The following TENM4 variants were observed in gnomAD, a reference collection of about 807,000 sequenced individuals.
TENM4 encodes the protein teneurin-4.
Under a neutral mutation model 243.3 loss-of-function variants are expected in TENM4, and 82 were observed. The ratio of observed to expected loss-of-function variants is 0.34; its 90% CI spans 0.28 to 0.40. The LOEUF is 0.40. Ranked by LOEUF, TENM4 falls within the 10% of genes least tolerant of loss-of-function variation. The probability of loss-of-function intolerance (pLI) is 1.00; values close to 1 mark genes in which losing one functional copy is unlikely to be tolerated. For synonymous variants in TENM4, 1,412 were observed against 1,456.3 expected, an observed-to-expected ratio of 0.97 and a Z score of 0.69; for missense variants, 3,138 against 3,673.3, an observed-to-expected ratio of 0.85 and a Z score of 3.77.
At chr11:79,204,832 C>A (rs1165947827) in intron 3 of TENM4, among the ~76,000 whole-genome samples, 1 of 152,170 alleles carries the variant, frequency 6.6e-6, no homozygotes, top group African/African-American at 2.4e-5. Flanking sequence ...TGGAAACAAA[C>A]AACCAAGTCC....
At chr11:79,281,739 C>T (rs761184975) in intron 2 of TENM4, among the ~76,000 whole-genome samples, 12 of 152,208 alleles carry the variant, frequency 7.9e-5, no homozygotes, top group Non-Finnish European at 1.6e-4. Context: ...CACCAAATCT[C>T]ATATCAATTC....
At chr11:79,316,784 G>C (rs1351284272) in intron 1 of TENM4, among the ~76,000 whole-genome samples, 2 of 152,188 alleles carry the variant, frequency 1.3e-5, no homozygotes, top group African/African-American at 4.8e-5. Flanking sequence ...ACCACAGGCA[G>C]ATTTCTTAGG....
intron 1 of TENM4, among the ~76,000 whole-genome samples, chr11:79,379,401 C>T (rs965439393): frequency 7.9e-5 from 12 of 152,160 alleles, no homozygotes; most frequent in African/African-American, 2.7e-4. Flanking sequence ...TCTCTGGATG[C>T]TGTGTGGAGA....
chr11:79,165,186 G>C (rs199610738), intron 3 of TENM4, among the ~76,000 whole-genome samples: 1 of 152,156 alleles, frequency 6.6e-6, no homozygotes, highest in East Asian at 1.9e-4. Context: ...TCAAATGGTA[G>C]TTCTACTTTT....
intron 6 of TENM4, among the ~76,000 whole-genome samples, chr11:78,999,208 T>C (rs758256605): frequency 3.2e-4 from 48 of 152,178 alleles, no homozygotes; most frequent in Non-Finnish European, 1.3e-4. Context: ...AGCCCAGACA[T>C]GTTCTAAACA....
intron 3 of TENM4, among the ~76,000 whole-genome samples, chr11:79,166,539 T>A (rs954104844): frequency 6.6e-6 from 1 of 152,210 alleles, no homozygotes; most frequent in Non-Finnish European, 1.5e-5. Flanking sequence ...TATTGACTGC[T>A]TACTATTGGC....
Position 78,892,137 on chromosome 11 carries a change from T to C in TENM4, c.750-801A>G, listed in dbSNP as rs76907328. On this transcript the variant is annotated intron_variant, in intron 7 of 33. Coordinates refer to ENST00000278550, the MANE Select transcript of TENM4 (RefSeq NM_001098816.3). ...AAGAGGATGCTCTTTGTTCCCCAAG[T>C]GCATAGCATTTTGTGACTTTACCTA... Among the ~76,000 whole-genome samples, 776 of 152,322 alleles carry C rather than the reference T, an allele frequency of 5.1e-3. 6 individuals are homozygous for C. Among genetic ancestry groups the C allele is most frequent in the African/African-American group, 0.018 (752 of 41,582 alleles).
intron 1 of TENM4, among the ~76,000 whole-genome samples, chr11:79,416,666 G>A (rs1448869242): frequency 6.6e-6 from 1 of 152,142 alleles, no homozygotes; most frequent in Admixed American, 6.5e-5. Flanking sequence ...ATGGTATTAA[G>A]ATCCGGGTTT....
intron 1 of TENM4, among the ~76,000 whole-genome samples, chr11:79,425,473 T>C (rs1031637446): frequency 1.3e-5 from 2 of 150,866 alleles, no homozygotes; most frequent in South Asian, 4.2e-4. Flanking sequence ...GGTTAGCTAC[T>C]AAGAGACTAG....
At chr11:78,755,515 T>C (rs751162285) in intron 19 of TENM4, among the ~76,000 whole-genome samples, 11 of 152,152 alleles carry the variant, frequency 7.2e-5, no homozygotes, top group Non-Finnish European at 1.0e-4. Flanking sequence ...TGCTTGTTCA[T>C]TGATGGCTCC....
intron 4 of TENM4, among the ~76,000 whole-genome samples, chr11:79,103,746 C>T (rs1284029970): frequency 2.6e-5 from 4 of 152,168 alleles, no homozygotes; most frequent in Non-Finnish European, 4.4e-5. Flanking sequence ...AAACTGTGAG[C>T]TGGCCTCTTG....
At chr11:78,874,372 T>G (rs1859211447) in intron 9 of TENM4, among the ~76,000 whole-genome samples, 1 of 152,224 alleles carries the variant, frequency 6.6e-6, no homozygotes, top group Non-Finnish European at 1.5e-5. Context: ...ATTATTATAA[T>G]ATTGCTTAAT....
At chr11:78,768,087 G>A (rs539459016) in intron 18 of TENM4, among the ~76,000 whole-genome samples, 2 of 152,312 alleles carry the variant, frequency 1.3e-5, no homozygotes, top group African/African-American at 4.8e-5. Context: ...CAGAGTAATA[G>A]AGGCCAATGA....
intron 1 of TENM4, among the ~76,000 whole-genome samples, chr11:79,397,286 T>C (rs1186158773): frequency 1.3e-5 from 2 of 152,198 alleles, no homozygotes; most frequent in East Asian, 3.9e-4. Flanking sequence ...CCCATAGTTA[T>C]AGGTATTACT....
intron 6 of TENM4, among the ~76,000 whole-genome samples, chr11:78,973,388 A>G (rs1253292911): frequency 6.6e-6 from 1 of 152,226 alleles, no homozygotes; most frequent in Non-Finnish European, 1.5e-5. Flanking sequence ...ATGAAGCAGT[A>G]TCTCACTGTG....
At chr11:79,229,317 T>C (rs1164184574) in intron 2 of TENM4, among the ~76,000 whole-genome samples, 1 of 152,236 alleles carries the variant, frequency 6.6e-6, no homozygotes, top group Non-Finnish European at 1.5e-5. Context: ...AAAGCCCTCA[T>C]AGTCTATCCA....
At chr11:78,871,015 C>G (rs545818355) in intron 9 of TENM4, among the ~76,000 whole-genome samples, 1 of 152,190 alleles carries the variant, frequency 6.6e-6, no homozygotes, top group Admixed American at 6.5e-5. Flanking sequence ...TGGCCACCCC[C>G]CACCAACCTT....
chr11:78,715,174 C>T (rs947702693), intron 25 of TENM4, among the ~76,000 whole-genome samples: 1 of 152,096 alleles, frequency 6.6e-6, no homozygotes, highest in South Asian at 2.1e-4. Context: ...TGAAATGTCC[C>T]CTGAGACTTA....
At chr11:78,920,181 A>G (rs1856418258) in intron 6 of TENM4, among the ~76,000 whole-genome samples, 1 of 152,148 alleles carries the variant, frequency 6.6e-6, no homozygotes, top group African/African-American at 2.4e-5. Flanking sequence ...TCCTCAGACC[A>G]TCGATATCAA....
Sources: allele counts gnomAD v4.1 joint callset (sites outside exome capture counted in the v4.1 genomes callset), GRCh38; gene constraint gnomAD v4.1.1; transcripts MANE v1.5; gene names NCBI Gene and HGNC (gene_info 2026-07-23, HGNC 2026-07-21).